Variants in ATIC observed in about 807,000 individuals in gnomAD.
ATIC encodes the protein 5-aminoimidazole-4-carboxamide ribonucleotide formyltransferase/IMP cyclohydrolase, also known as bifunctional purine biosynthesis protein ATIC.
A neutral mutation model predicts 72.5 loss-of-function variants in ATIC; 64 were observed. The ratio of observed to expected loss-of-function variants is 0.88; its 90% CI spans 0.72 to 1.09. ATIC has a LOEUF of 1.09. ATIC is among the 50% of genes least tolerant of loss of function. The probability of loss-of-function intolerance (pLI) is 0.00; values close to 1 mark genes in which losing one functional copy is unlikely to be tolerated. For synonymous variants in ATIC, 281 were observed against 267.1 expected (o/e 1.05, Z -0.51); for missense variants, 787 against 732.4 (o/e 1.07, Z -0.86).
intron 7 of ATIC, among the ~76,000 whole-genome samples, chr2:215,331,346 T>C (rs917611160): frequency 6.6e-5 from 10 of 151,376 alleles, no homozygotes; most frequent in Admixed American, 3.3e-4. Context: ...TCTTAACCCA[T>C]GAAGGACATG....
the ATIC span, among the ~76,000 whole-genome samples, chr2:215,356,516 C>T: frequency 6.6e-6 from 1 of 152,168 alleles, no homozygotes; most frequent in East Asian, 1.9e-4. Flanking sequence ...CAGCAGTTTT[C>T]AGTATATTCA....
At chr2:215,366,618 C>T in the ATIC span, among the ~76,000 whole-genome samples, 777 of 152,258 alleles carry the variant, frequency 5.1e-3, 6 homozygotes, top group African/African-American at 0.018. Context: ...CAACAAAACA[C>T]ACCTCAGAAG....
At chr2:215,365,597 A>G in the ATIC span, 5 of 1,613,906 alleles carry the variant, frequency 3.1e-6, no homozygotes, top group East Asian at 2.2e-5. Flanking sequence ...CTTCTCTCCA[A>G]TCTTGTAGTT....
At chr2:215,343,697 T>C (rs748346850) in intron 12 of ATIC, among the ~76,000 whole-genome samples, 50 of 152,144 alleles carry the variant, frequency 3.3e-4, no homozygotes, top group Non-Finnish European at 6.0e-4. Context: ...GGATATGAGG[T>C]TTGTTAATAA....
intron 2 of ATIC, among the ~76,000 whole-genome samples, chr2:215,313,364 T>C (rs2052675884): frequency 6.6e-6 from 1 of 152,172 alleles, no homozygotes; most frequent in African/African-American, 2.4e-5. Context: ...AAATCATTCA[T>C]TCCCACGTTC....
rs1229374770 is a variant in ATIC at position 215,312,118 on chromosome 2, C to T, written c.-25C>T. ...GGTGCCGCCGCTGCTGCCTCCCGCT[C>T]GCCCTGAACCCAGTGCCTGCAGCCA... On this transcript the variant is annotated 5_prime_UTR_variant, in exon 1 of 16. Transcript: ENST00000236959. 5.9e-6 allele frequency: 9 copies of T among 1,530,322 alleles called. No homozygotes were observed. The highest frequency in any genetic ancestry group is 2.5e-5 in the East Asian group (1 of 40,488). The allele number at this position is 1,530,322 out of a possible 1,614,324, so 94.8% of individuals were successfully genotyped here.
the ATIC span, chr2:215,361,372 C>T: frequency 3.0e-6 from 2 of 670,688 alleles, no homozygotes; most frequent in Non-Finnish European, 5.4e-6. Context: ...TGAGAAAACC[C>T]TCAGGAAACT....
the ATIC span, among the ~76,000 whole-genome samples, chr2:215,356,789 A>G: frequency 6.6e-6 from 1 of 152,216 alleles, no homozygotes. Context: ...TTATGGTCAG[A>G]TATTTCATTA....
At chr2:215,327,801 G>T (rs920671186) in intron 7 of ATIC, among the ~76,000 whole-genome samples, 2 of 152,144 alleles carry the variant, frequency 1.3e-5, no homozygotes, top group South Asian at 4.1e-4. Flanking sequence ...CTGAGAGAGC[G>T]ATGGGGGAGG....
the ATIC span, chr2:215,367,983 G>A: frequency 1.9e-6 from 3 of 1,614,122 alleles, no homozygotes; most frequent in African/African-American, 1.3e-5. Flanking sequence ...ACTGTGTAGG[G>A]GTCAAAGCAC....
chr2:215,355,754 AC>A, the ATIC span, among the ~76,000 whole-genome samples: 1 of 152,224 alleles, frequency 6.6e-6, no homozygotes, highest in African/African-American at 2.4e-5. Flanking sequence ...GTCACCACCA[AC>A]CAGGTCAAGA....
chr2:215,351,372 A>G (rs1206594471), downstream of ATIC, among the ~76,000 whole-genome samples: 2 of 152,228 alleles, frequency 1.3e-5, no homozygotes, highest in Non-Finnish European at 2.9e-5. Context: ...ATTATGTAGC[A>G]GTAAATAGCT....
chr2:215,319,579 T>G (rs753108955), intron 3 of ATIC, 86 bp from the exon 4 acceptor site: 9 of 1,002,040 alleles, frequency 9.0e-6, no homozygotes, highest in Admixed American at 1.8e-5. Flanking sequence ...GGGATTTAAT[T>G]TGATTGAAGA....
chr2:215,319,883 A>G (rs901238579), intron 4 of ATIC, 152 bp downstream of exon 4: 4 of 683,274 alleles, frequency 5.9e-6, no homozygotes, highest in South Asian at 1.8e-5. Flanking sequence ...TGGTTTGGCC[A>G]GATTTATATA....
chr2:215,312,654 A>C lies in ATIC; in HGVS notation c.146+30A>C, dbSNP rs755652309. The C allele has an allele frequency of 1.9e-6, 3 of 1,614,080 alleles. No homozygotes were observed. The South Asian group carries it at 3.3e-5, about 18-fold the overall frequency. ...GGCATAGCTAGTTCCATCAGAAAGG[A>C]GTGTGATCACATTAACCAGGAAGTA... On this transcript the variant is annotated intron_variant, in intron 2 of 15. Transcript: ENST00000236959.
chr2:215,329,729 A>G (rs2052868825), intron 7 of ATIC, among the ~76,000 whole-genome samples: 1 of 151,970 alleles, frequency 6.6e-6, no homozygotes, highest in African/African-American at 2.4e-5. Context: ...TCAGTTATTA[A>G]TGTCTTTGAA....
chr2:215,349,405 C>A lies in ATIC; in HGVS notation c.1660-131C>A, dbSNP rs2053108111. 2.5e-6 allele frequency: 4 copies of A among 1,572,816 alleles called. No homozygotes were observed. In the East Asian group the frequency reaches 9.1e-5, roughly 36 times the overall value. On this transcript the variant is annotated intron_variant, in intron 15 of 15. Transcript: ENST00000236959. ...CTTCTCCATTGGGTGGATGGAGAACCCAAATCCTGTTGTTATTTTGCCTTT... is the reference window on the plus strand; with the variant it reads ...CTTCTCCATTGGGTGGATGGAGAACACAAATCCTGTTGTTATTTTGCCTTT...
At chr2:215,326,728 T>C in intron 6 of ATIC, 94 bp from the exon 7 acceptor site, 2 of 1,468,094 alleles carry the variant, frequency 1.4e-6, no homozygotes, top group South Asian at 2.3e-5. Context: ...CACTGAATAG[T>C]GAGGAGATGT....
At chr2:215,351,363 T>G (rs889076001), downstream of ATIC, among the ~76,000 whole-genome samples, 14 of 152,248 alleles carry the variant, frequency 9.2e-5, no homozygotes, top group Non-Finnish European at 1.9e-4. Context: ...TCTGGGGTAA[T>G]TATGTAGCAG....
Sources: gnomAD v4.1 joint callset for allele counts (sites outside exome capture counted in the v4.1 genomes callset) on GRCh38, gnomAD v4.1.1 for gene constraint, MANE v1.5 for transcripts, NCBI Gene and HGNC (gene_info 2026-07-23, HGNC 2026-07-21) for gene names.